The following HOOK3 variants were observed in gnomAD, a reference collection of about 807,000 sequenced individuals.
HOOK3 encodes the protein protein Hook homolog 3.
In HOOK3, 24 loss-of-function variants were observed where a neutral mutation model predicts 116.3. That is an observed-to-expected ratio of 0.21 (90% CI 0.15 to 0.29). The LOEUF (loss-of-function observed/expected upper bound fraction) is 0.29, where lower values mean the gene tolerates loss of function less well. HOOK3 is among the 10% of genes least tolerant of loss of function. The probability of loss-of-function intolerance (pLI) is 1.00; values close to 1 mark genes in which losing one functional copy is unlikely to be tolerated. For missense variants in HOOK3, 632 were observed against 830.2 expected, an observed-to-expected ratio of 0.76 and a Z score of 2.93; for synonymous variants, 275 against 283.0, an observed-to-expected ratio of 0.97 and a Z score of 0.28.
chr8:42,913,662 A>G (rs953239950), intron 2 of HOOK3, among the ~76,000 whole-genome samples: 1 of 152,150 alleles, frequency 6.6e-6, no homozygotes, highest in African/African-American at 2.4e-5. Context: ...GCTGGATCAT[A>G]TGGTAGGTCT....
At chr8:42,976,896 T>C (rs2130438432) in intron 13 of HOOK3, among the ~76,000 whole-genome samples, 1 of 152,112 alleles carries the variant, frequency 6.6e-6, no homozygotes, top group East Asian at 1.9e-4. Context: ...GAAAGAATGG[T>C]GTTTCTTACT....
chr8:42,981,339 C>T (rs1166955885), intron 13 of HOOK3, among the ~76,000 whole-genome samples: 1 of 152,060 alleles, frequency 6.6e-6, no homozygotes, highest in Non-Finnish European at 1.5e-5. Context: ...AGGCATGAGC[C>T]ACCACACCCA....
chr8:42,910,235 T>C (rs1291574485), intron 2 of HOOK3, among the ~76,000 whole-genome samples: 2 of 152,236 alleles, frequency 1.3e-5, no homozygotes, highest in African/African-American at 2.4e-5. Context: ...TGAATTGAAG[T>C]AAACAAGATC....
chr8:42,980,249 G>T (rs1197920196), intron 13 of HOOK3, among the ~76,000 whole-genome samples: 1 of 151,882 alleles, frequency 6.6e-6, no homozygotes, highest in African/African-American at 2.4e-5. Flanking sequence ...CACTGCACCC[G>T]ACCTCTACAT....
chr8:42,925,171 T>C (rs1563292339), intron 2 of HOOK3, among the ~76,000 whole-genome samples: 1 of 151,872 alleles, frequency 6.6e-6, no homozygotes, highest in Non-Finnish European at 1.5e-5. Flanking sequence ...AATCTTGGCT[T>C]GCTGCAACCT....
chr8:42,912,981 C>T (rs1285713831), intron 2 of HOOK3, among the ~76,000 whole-genome samples: 1 of 152,190 alleles, frequency 6.6e-6, no homozygotes, highest in Non-Finnish European at 1.5e-5. Context: ...TCTGGAATGT[C>T]ATATAGTTGG....
chr8:43,013,309 G>A lies in HOOK3; in HGVS notation c.1945-20G>A, dbSNP rs749841880. The A allele has an allele frequency of 7.6e-7, 1 of 1,315,834 alleles. No individual in the cohort carries two copies. The highest frequency in any genetic ancestry group is 2.8e-5 in the Admixed American group (1 of 35,426). The allele number at this position is 1,315,834 out of a possible 1,614,324, so 81.5% of individuals were successfully genotyped here. On this transcript the variant is annotated intron_variant, in intron 20 of 21. Transcript: ENST00000307602. ...ATTTTATATCTTTACATATTTACAT[G>A]TGCTTTTTTTTTTTTTTAGAAAGAA...
At chr8:42,904,180 TTATTCCCAG>T (rs1165703344) in intron 1 of HOOK3, among the ~76,000 whole-genome samples, 1 of 152,204 alleles carries the variant, frequency 6.6e-6, no homozygotes, top group African/African-American at 2.4e-5. Context: ...CACCTGAGTG[TTATTCCCAG>T]TATTCTCATT....
Position 42,909,938 on chromosome 8 carries a change from C to T in HOOK3, c.143+3680C>T, listed in dbSNP as rs1046765154. On this transcript the variant is annotated intron_variant, in intron 2 of 21. Transcript: ENST00000307602. Reference sequence around the variant, plus strand: ...ATGGTGTTTACCAGAGGCGGGGGGCCGAGGGGAATGGAGGAGATGATAGTC... The same window carrying T: ...ATGGTGTTTACCAGAGGCGGGGGGCTGAGGGGAATGGAGGAGATGATAGTC... 2.6e-5 allele frequency among the ~76,000 whole-genome samples: 4 copies of T among 151,926 alleles called. No homozygotes were observed. The East Asian group carries it at 5.8e-4, about 22-fold the overall frequency.
chr8:43,004,526 C>A (rs1224365255), intron 17 of HOOK3, among the ~76,000 whole-genome samples: 2 of 151,248 alleles, frequency 1.3e-5, no homozygotes, highest in African/African-American at 4.9e-5. Context: ...ACTAGAAATA[C>A]AAAAATTAGC....
chr8:42,920,999 C>T (rs1449194070), intron 2 of HOOK3, among the ~76,000 whole-genome samples: 1 of 152,080 alleles, frequency 6.6e-6, no homozygotes, highest in Non-Finnish European at 1.5e-5. Flanking sequence ...ATTTGGTAAT[C>T]TTTTAAGGAA....
At chr8:43,009,390 C>CAA (rs915555326) in intron 18 of HOOK3, among the ~76,000 whole-genome samples, 1 of 122,476 alleles carries the variant, frequency 8.2e-6, no homozygotes. Context: ...AGACTGTCTC[C>CAA]AAAAAAAAAA....
At chr8:42,993,355 C>A (rs1405529436) in intron 15 of HOOK3, among the ~76,000 whole-genome samples, 4 of 152,194 alleles carry the variant, frequency 2.6e-5, no homozygotes, top group Non-Finnish European at 5.9e-5. Flanking sequence ...CCGTGTTGGC[C>A]AGGCTGGTCT....
intron 4 of HOOK3, among the ~76,000 whole-genome samples, chr8:42,940,570 A>T (rs560797366): frequency 1.8e-4 from 27 of 152,314 alleles, no homozygotes; most frequent in Admixed American, 1.3e-3. Flanking sequence ...AATGTTGAAT[A>T]TTAGCTCCCA....
intron 4 of HOOK3, among the ~76,000 whole-genome samples, chr8:42,933,045 C>A (rs367909172): frequency 6.6e-6 from 1 of 152,294 alleles, no homozygotes; most frequent in African/African-American, 2.4e-5. Flanking sequence ...CCCTTTGACA[C>A]CATAGTTCTA....
intron 4 of HOOK3, among the ~76,000 whole-genome samples, chr8:42,941,603 C>G (rs1417560251): frequency 6.6e-6 from 1 of 151,274 alleles, no homozygotes; most frequent in Non-Finnish European, 1.5e-5. Flanking sequence ...ATTGATTTTC[C>G]TATTCAAGGA....
chr8:42,904,047 G>A (rs1446055702), intron 1 of HOOK3, among the ~76,000 whole-genome samples: 1 of 152,144 alleles, frequency 6.6e-6, no homozygotes, highest in Non-Finnish European at 1.5e-5. Flanking sequence ...AATTGCTACA[G>A]TATATATTTA....
At chr8:43,013,250 CAATT>C in intron 20 of HOOK3, 75 bp from the exon 21 acceptor site, 2 of 1,386,298 alleles carry the variant, frequency 1.4e-6, no homozygotes, top group Non-Finnish European at 2.0e-6. Context: ...TGAGTTTTAA[CAATT>C]AATTGTAAGT....
rs946282288 is a variant in HOOK3, at chr8:42,896,983, C to G, written c.-149C>G. 1.5e-5 allele frequency: 7 copies of G among 478,922 alleles called. No individual in the cohort carries two copies. The highest frequency in any genetic ancestry group is 1.1e-4 in the East Asian group (3 of 28,126). The allele number at this position is 478,922 out of a possible 1,614,324, so 29.7% of individuals were successfully genotyped here. The stretch of plus-strand genomic sequence containing the variant: ...GGCGCTGGGGGTGACGGTGCGGAGC[C>G]GCTGCCAGCGCTGGGCGAGAGTCGG... On this transcript the variant is annotated 5_prime_UTR_variant, in exon 1 of 22. Coordinates refer to ENST00000307602, the MANE Select transcript of HOOK3 (RefSeq NM_032410.4).
Sources: gnomAD v4.1 joint callset for allele counts (sites outside exome capture counted in the v4.1 genomes callset) on GRCh38, gnomAD v4.1.1 for gene constraint, MANE v1.5 for transcripts, NCBI Gene and HGNC (gene_info 2026-07-23, HGNC 2026-07-21) for gene names.